Variants in OSBPL9 observed in about 807,000 individuals in gnomAD.
The protein encoded by OSBPL9 is oxysterol-binding protein-related protein 9.
In OSBPL9, 40 loss-of-function variants were observed where a neutral mutation model predicts 106.6. That is an observed-to-expected ratio of 0.38 (90% CI 0.29 to 0.49). OSBPL9 has a LOEUF of 0.49. Ranked by LOEUF, OSBPL9 falls within the 20% of genes least tolerant of loss-of-function variation. The probability of loss-of-function intolerance (pLI) is 0.97; values close to 1 mark genes in which losing one functional copy is unlikely to be tolerated. For synonymous variants in OSBPL9, 269 were observed against 295.4 expected (o/e 0.91, Z 0.92); for missense variants, 609 against 887.2 (o/e 0.69, Z 3.98).
intron 4 of OSBPL9, among the ~76,000 whole-genome samples, chr1:51,744,780 T>C (rs975365537): frequency 2.0e-5 from 3 of 152,248 alleles, no homozygotes; most frequent in African/African-American, 7.2e-5. Flanking sequence ...AAGTTTCTTT[T>C]GGCTAAAGTT....
the OSBPL9 span, among the ~76,000 whole-genome samples, chr1:51,526,315 T>C: frequency 6.6e-6 from 1 of 152,150 alleles, no homozygotes; most frequent in Non-Finnish European, 1.5e-5. Flanking sequence ...GCGAGATGTC[T>C]GGTTAAATGG....
intron 3 of OSBPL9, among the ~76,000 whole-genome samples, chr1:51,670,774 A>G (rs564873735): frequency 4.6e-5 from 7 of 152,358 alleles, no homozygotes; most frequent in South Asian, 4.1e-4. Context: ...ATGAAAGCCC[A>G]GAGTTTTTAT....
intron 1 of OSBPL9, among the ~76,000 whole-genome samples, chr1:51,581,954 T>A (rs1645223465): frequency 6.6e-6 from 1 of 152,212 alleles, no homozygotes; most frequent in Non-Finnish European, 1.5e-5. Context: ...TCTTGTATGT[T>A]CTCTTCTTCA....
intron 5 of OSBPL9, among the ~76,000 whole-genome samples, 182 bp downstream of exon 5, chr1:51,745,813 G>A (rs556910998): frequency 6.6e-6 from 1 of 151,782 alleles, no homozygotes; most frequent in Non-Finnish European, 1.5e-5. Flanking sequence ...AATTATATTG[G>A]TAAATAGCAT....
At chr1:51,734,671 G>A (rs1665248280) in intron 4 of OSBPL9, among the ~76,000 whole-genome samples, 1 of 152,014 alleles carries the variant, frequency 6.6e-6, no homozygotes, top group Non-Finnish European at 1.5e-5. Context: ...TTTTATTATT[G>A]TGGAGAAATC....
intron 11 of OSBPL9, among the ~76,000 whole-genome samples, chr1:51,762,489 C>T (rs945700624): frequency 6.6e-6 from 1 of 152,158 alleles, no homozygotes; most frequent in Non-Finnish European, 1.5e-5. Context: ...TAAAATATTA[C>T]AGAGTTTTGT....
chr1:51,566,162 AC>A, the OSBPL9 span: 25,002 of 152,172 alleles, frequency 0.16, 4,075 homozygotes, highest in African/African-American at 0.42. Context: ...TGGATCCCCA[AC>A]AAAGGTGAGT....
chr1:51,783,784 T>G lies in OSBPL9; in HGVS notation c.1514-131T>G, dbSNP rs1676957064. On this transcript the variant is annotated intron_variant, in intron 17 of 23. Coordinates refer to ENST00000428468, the MANE Select transcript of OSBPL9 (RefSeq NM_024586.6). ...AGGGTATAAAAGGCAGGTAGGTACC[T>G]CCTGGCGTAATTGGAGGCTGTTTGA... The G allele has an allele frequency of 4.5e-6, 3 of 666,568 alleles. No individual in the cohort carries two copies. The African/African-American group carries it at 5.4e-5, about 12-fold the overall frequency. 41.3% of individuals were successfully genotyped at this position (666,568 alleles called of 1,614,324 possible). A position where few individuals can be genotyped will look rare whatever the true frequency, so the allele number is the denominator to read the frequency against.
the OSBPL9 span, among the ~76,000 whole-genome samples, chr1:51,531,693 T>C: frequency 6.6e-6 from 1 of 152,170 alleles, no homozygotes; most frequent in Admixed American, 6.5e-5. Context: ...AGGATGCGGT[T>C]GGAATAAGAG....
At chr1:51,580,516 A>G (rs1433831375) in intron 1 of OSBPL9, among the ~76,000 whole-genome samples, 1 of 152,140 alleles carries the variant, frequency 6.6e-6, no homozygotes, top group Non-Finnish European at 1.5e-5. Flanking sequence ...AAGCAGGCCA[A>G]ATTTGCTAAA....
intron 1 of OSBPL9, among the ~76,000 whole-genome samples, chr1:51,624,802 T>A (rs949168826): frequency 2.6e-5 from 4 of 152,194 alleles, no homozygotes; most frequent in African/African-American, 9.7e-5. Context: ...ATTAATCATC[T>A]TACATCTGCT....
chr1:51,633,159 A>C (rs1458234078), intron 1 of OSBPL9, among the ~76,000 whole-genome samples: 1 of 151,646 alleles, frequency 6.6e-6, no homozygotes, highest in East Asian at 2.0e-4. Context: ...TGGTTTCGCC[A>C]TGTTGGCCAG....
At chr1:51,580,044 G>T (rs1557574222) in intron 1 of OSBPL9, among the ~76,000 whole-genome samples, 1 of 152,024 alleles carries the variant, frequency 6.6e-6, no homozygotes, top group Non-Finnish European at 1.5e-5. Context: ...CAATCCAACT[G>T]ATTCTCATGA....
chr1:51,730,121 T>C (rs1664046384), intron 4 of OSBPL9: 1 of 1,248,258 alleles, frequency 8.0e-7, no homozygotes, highest in Non-Finnish European at 1.0e-6. Flanking sequence ...CGCCGCCCCC[T>C]GGGGTGAGTA....
chr1:51,614,621 G>A (rs1269276534), upstream of OSBPL9, among the ~76,000 whole-genome samples: 1 of 151,880 alleles, frequency 6.6e-6, no homozygotes, highest in Non-Finnish European at 1.5e-5. Context: ...ACATTTCTTT[G>A]GGAAAATTCT....
the OSBPL9 span, among the ~76,000 whole-genome samples, chr1:51,526,271 G>A: frequency 4.6e-5 from 7 of 152,258 alleles, no homozygotes; most frequent in East Asian, 5.8e-4. Flanking sequence ...ATGGCCTACC[G>A]TGGGTAAAGT....
At chr1:51,561,990 C>G in the OSBPL9 span, 1 of 152,152 alleles carries the variant, frequency 6.6e-6, no homozygotes, top group Non-Finnish European at 1.5e-5. Flanking sequence ...AATCTACTCC[C>G]CCTGGTAATT....
chr1:51,772,486 A>T, intron 13 of OSBPL9, 119 bp from the exon 14 acceptor site: 1 of 868,910 alleles, frequency 1.2e-6, no homozygotes, highest in Non-Finnish European at 1.9e-6. Flanking sequence ...ATTGCACTCC[A>T]GCCTGGGCGA....
intron 14 of OSBPL9, 55 bp from the exon 15 acceptor site, chr1:51,776,778 C>A: frequency 1.1e-5 from 11 of 979,508 alleles, no homozygotes; most frequent in South Asian, 3.3e-5. Context: ...TTTTTTTAGT[C>A]TGTTTATCTG....
Sources: allele counts gnomAD v4.1 joint callset (sites outside exome capture counted in the v4.1 genomes callset), GRCh38; gene constraint gnomAD v4.1.1; transcripts MANE v1.5; gene names NCBI Gene and HGNC (gene_info 2026-07-23, HGNC 2026-07-21).